The following SMAD3 variants were observed in gnomAD, a reference collection of about 807,000 sequenced individuals.
SMAD3 encodes SMAD family member 3, also known as MAD homolog 3.
In SMAD3, 12 loss-of-function variants were observed where a neutral mutation model predicts 51.8. That is an observed-to-expected ratio of 0.23 (90% confidence interval 0.15 to 0.38). SMAD3 has a LOEUF of 0.38. SMAD3 is among the 10% of genes least tolerant of loss of function. The probability of loss-of-function intolerance (pLI) is 1.00; values close to 1 mark genes in which losing one functional copy is unlikely to be tolerated. For synonymous variants in SMAD3, 238 were observed against 227.7 expected (o/e 1.05, Z -0.41); for missense variants, 294 against 565.6 (o/e 0.52, Z 4.87).
chr15:67,093,840 C>G (rs1429470262), intron 1 of SMAD3, among the ~76,000 whole-genome samples: 1 of 152,194 alleles, frequency 6.6e-6, no homozygotes, highest in Non-Finnish European at 1.5e-5. Flanking sequence ...GCCTCTTGGG[C>G]CAATGAGAGG....
At chr15:67,088,523 G>A (rs952226411) in intron 1 of SMAD3, among the ~76,000 whole-genome samples, 1 of 152,154 alleles carries the variant, frequency 6.6e-6, no homozygotes, top group Admixed American at 6.5e-5. Context: ...GCGGTAGCGA[G>A]GGAAACACAG....
In SMAD3 at chr15:67,125,867, G is replaced by A. The variant is rs16950635; in HGVS notation, c.207-39028G>A. 48,416 of 985,320 alleles carry A rather than the reference G, an allele frequency of 0.049. 1,612 individuals are homozygous for A. Among genetic ancestry groups the A allele is most frequent in the East Asian group, 0.26 (2,288 of 8,884 alleles). 61.0% of individuals were successfully genotyped at this position (985,320 alleles called of 1,614,324 possible). On this transcript the variant is annotated intron_variant, in intron 1 of 8. Transcript: ENST00000327367. ...CGCGGCACTGGGGTAATTTATTGCC[G>A]CCGCTCGCTTCACCAGGAACCCCAC...
intron 1 of SMAD3, among the ~76,000 whole-genome samples, chr15:67,105,743 G>A (rs932114702): frequency 6.6e-6 from 1 of 152,212 alleles, no homozygotes; most frequent in Non-Finnish European, 1.5e-5. Context: ...TGGAGATCCC[G>A]TGGGGTTTTC....
intron 1 of SMAD3, among the ~76,000 whole-genome samples, chr15:67,082,481 TGTGTTCTA>T (rs1960299368): frequency 6.6e-6 from 1 of 152,274 alleles, no homozygotes; most frequent in South Asian, 2.1e-4. Flanking sequence ...AGTTTCTCAC[TGTGTTCTA>T]GCTTCAAAAC....
chr15:67,152,098 T>G (rs908919464), intron 1 of SMAD3, among the ~76,000 whole-genome samples: 46 of 152,222 alleles, frequency 3.0e-4, no homozygotes, highest in African/African-American at 1.0e-3. Flanking sequence ...CCTCTTTAGC[T>G]GTAATTTTGA....
chr15:67,186,977 C>A, intron 7 of SMAD3: 1 of 446,108 alleles, frequency 2.2e-6, no homozygotes, highest in Non-Finnish European at 4.5e-6. Context: ...GGCAACCTGG[C>A]CCAGGTCCCT....
chr15:67,175,116 G>A (rs1192226360), intron 5 of SMAD3, among the ~76,000 whole-genome samples: 1 of 152,218 alleles, frequency 6.6e-6, no homozygotes, highest in Admixed American at 6.5e-5. Flanking sequence ...GTAAATGGAG[G>A]GGAAGGAGGA....
At chr15:67,091,734 G>A (rs1960512498) in intron 1 of SMAD3, among the ~76,000 whole-genome samples, 1 of 152,150 alleles carries the variant, frequency 6.6e-6, no homozygotes, top group South Asian at 2.1e-4. Flanking sequence ...CTCAATTCTA[G>A]AAGGTAATAG....
intron 1 of SMAD3, among the ~76,000 whole-genome samples, chr15:67,077,330 G>A (rs1960192779): frequency 6.6e-6 from 1 of 152,112 alleles, no homozygotes; most frequent in Admixed American, 6.6e-5. Context: ...CCATTATATG[G>A]GTAGCATTTT....
chr15:67,175,393 A>G (rs1277988254), intron 5 of SMAD3, among the ~76,000 whole-genome samples: 1 of 152,154 alleles, frequency 6.6e-6, no homozygotes, highest in East Asian at 1.9e-4. Flanking sequence ...GCAGTGCTTC[A>G]GACTGAAAGG....
In SMAD3 at chr15:67,166,790, C is replaced by G; in HGVS notation, c.544C>G (p.Pro182Ala). Residue 182 changes from proline (P) to alanine (A), a missense_variant, in exon 4 of 9, where the codon CCT becomes GCT. Physicochemically the swap from Pro to Ala is conservative, Grantham distance 27. Coordinates refer to ENST00000327367, the MANE Select transcript of SMAD3 (RefSeq NM_005902.4). ...CTTCTGATTCCCAGAGACCCCACCC[C>G]CTGGCTACCTGAGTGAAGATGGAGA... is the stretch of plus-strand genomic sequence containing the variant. ...PQSNIPETPP[P>A]GYLSEDGETS... 3.8e-6 allele frequency: 6 copies of G among 1,593,862 alleles called. No individual in the cohort carries two copies. Among genetic ancestry groups the G allele is most frequent in the Non-Finnish European group, 5.1e-6 (6 of 1,169,656 alleles).
chr15:67,075,565 T>C (rs1012652946), intron 1 of SMAD3, among the ~76,000 whole-genome samples: 10 of 152,230 alleles, frequency 6.6e-5, no homozygotes, highest in Admixed American at 2.0e-4. Flanking sequence ...CTTCAACTTA[T>C]TGAGCCCCAG....
intron 1 of SMAD3, among the ~76,000 whole-genome samples, chr15:67,160,377 G>A (rs1293274798): frequency 2.0e-5 from 3 of 152,168 alleles, no homozygotes; most frequent in Non-Finnish European, 2.9e-5. Context: ...TTTAATTTGT[G>A]CTTCTCTAAT....
At chr15:67,110,477 A>G (rs1264116107) in intron 1 of SMAD3, among the ~76,000 whole-genome samples, 2 of 152,216 alleles carry the variant, frequency 1.3e-5, no homozygotes, top group Non-Finnish European at 2.9e-5. Context: ...TAGGATGCTG[A>G]CAGCACCTTG....
Position 67,179,807 on chromosome 15 carries a change from GCT to G in SMAD3, c.659-1433_659-1432del, listed in dbSNP as rs557811276. Among the ~76,000 whole-genome samples the G allele has an allele frequency of 1.3e-4, 20 of 152,216 alleles. 1 individual carries two copies. In the South Asian group the frequency reaches 4.2e-3, roughly 32 times the overall value. On this transcript the variant is annotated intron_variant, in intron 5 of 8. Coordinates refer to ENST00000327367, the MANE Select transcript of SMAD3 (RefSeq NM_005902.4). ...CAGTGAGCAGGGTTCTCAGGCCAGG[GCT>G]GAGACGTGGGCATGGGGAGCGTCTC...
chr15:67,184,790 C>T lies in SMAD3; in HGVS notation c.935C>T (p.Ala312Val). The T allele has an allele frequency of 6.2e-7, 1 of 1,613,978 alleles. No homozygotes were observed. The highest frequency in any genetic ancestry group is 8.5e-7 in the Non-Finnish European group (1 of 1,180,042). ...EVFAECLSDSAIFVQSPNCNQ... is the reference protein window; with the variant it reads ...EVFAECLSDSVIFVQSPNCNQ... ...TTCGCAGAGTGCCTCAGTGACAGCG[C>T]TATTTTTGTCCAGTCTCCCAACTGT... Residue 312 changes from alanine (A) to valine (V), a missense_variant, in exon 7 of 9, where the codon GCT (alanine) becomes GTT (valine). Physicochemically the swap from Ala to Val is moderately conservative, Grantham distance 64. This residue lies in a region of SMAD3 where 118 missense variants were observed against 278.0 expected (regional missense o/e 0.42). Transcript: ENST00000327367.
At chr15:67,070,820 C>T (rs776097803) in intron 1 of SMAD3, among the ~76,000 whole-genome samples, 4 of 151,980 alleles carry the variant, frequency 2.6e-5, no homozygotes, top group Admixed American at 6.6e-5. Context: ...ATTTTACCAC[C>T]TGCAAGGATT....
At chr15:67,066,762 C>T (rs1959931079) in intron 1 of SMAD3, among the ~76,000 whole-genome samples, 1 of 152,128 alleles carries the variant, frequency 6.6e-6, no homozygotes, top group East Asian at 1.9e-4. Flanking sequence ...CCCCGCGGCC[C>T]GCGCTCGTGG....
chr15:67,183,031 A>ATTTTTT (rs57749736), intron 6 of SMAD3, among the ~76,000 whole-genome samples: 2 of 29,698 alleles, frequency 6.7e-5, no homozygotes, highest in African/African-American at 1.7e-4. Context: ...ATATATATAT[A>ATTTTTT]TTTTTTTTTT....
Sources: gnomAD v4.1 joint callset for allele counts (sites outside exome capture counted in the v4.1 genomes callset) on GRCh38, gnomAD v4.1.1 for gene constraint, gnomAD v4.1.1 regional missense constraint, MANE v1.5 for transcripts, NCBI Gene and HGNC (gene_info 2026-07-23, HGNC 2026-07-21) for gene names.